The following CEACAM7 variants were observed in gnomAD, a reference collection of about 807,000 sequenced individuals.
CEACAM7 encodes CEA cell adhesion molecule 7, also known as cell adhesion molecule CEACAM7.
A neutral mutation model predicts 25.7 loss-of-function variants in CEACAM7; 24 were observed. The ratio of observed to expected loss-of-function variants is 0.93; its 90% CI spans 0.68 to 1.31. The LOEUF (loss-of-function observed/expected upper bound fraction) is 1.31. CEACAM7 is among the 40% of genes most tolerant of loss of function. The probability of loss-of-function intolerance (pLI) is 0.00; values close to 1 mark genes in which losing one functional copy is unlikely to be tolerated. For synonymous variants in CEACAM7, 144 were observed against 129.4 expected (o/e 1.11, Z -0.77); for missense variants, 324 against 330.1 (o/e 0.98, Z 0.14).
At chr19:41,680,109 T>A (rs187559743) in intron 3 of CEACAM7, among the ~76,000 whole-genome samples, 1 of 151,102 alleles carries the variant, frequency 6.6e-6, no homozygotes, top group Non-Finnish European at 1.5e-5. Context: ...TGTAAGCCGT[T>A]GCATCCAGCC....
intron 2 of CEACAM7, among the ~76,000 whole-genome samples, chr19:41,685,167 G>T (rs1164290531): frequency 4.6e-5 from 7 of 152,214 alleles, no homozygotes; most frequent in African/African-American, 1.7e-4. Flanking sequence ...TGGGTGGAAT[G>T]AACCCATGGG....
rs140053238 is a variant in CEACAM7, at chr19:41,686,995, G to C, written c.291C>G (p.Asn97Lys). 1.9e-6 allele frequency: 3 copies of C among 1,613,424 alleles called. No individual in the cohort carries two copies. In the African/African-American group the frequency reaches 4.0e-5, roughly 22 times the overall value. ...SQENAPGPAH[N>K]GRETIYPNGT... Reference sequence around the variant, plus strand: ...CATTGGGGTATATTGTCTCTCGACCGTTGTGTGCGGGCCCTGGGGCATTTT... The same window carrying C: ...CATTGGGGTATATTGTCTCTCGACCCTTGTGTGCGGGCCCTGGGGCATTTT... Residue 97 changes from asparagine to lysine, a missense_variant, in exon 2 of 5, where the codon AAC becomes AAG. Coordinates refer to ENST00000401731, the MANE Select transcript of CEACAM7 (RefSeq NM_001291485.2).
At chr19:41,687,298 C>T (rs368933874) in intron 1 of CEACAM7, 77 bp from the exon 2 acceptor site, 3 of 1,456,782 alleles carry the variant, frequency 2.1e-6, no homozygotes, top group African/African-American at 2.9e-5. Context: ...GGATCCTGAG[C>T]AGGTCTCTTC....
chr19:41,676,916 G>A (rs760208231), intron 4 of CEACAM7, among the ~76,000 whole-genome samples: 9 of 152,192 alleles, frequency 5.9e-5, no homozygotes, highest in Non-Finnish European at 1.3e-4. Context: ...TTCATGAAGA[G>A]AAGAAATGTG....
intron 3 of CEACAM7, among the ~76,000 whole-genome samples, chr19:41,682,422 T>C (rs1277303064): frequency 3.9e-5 from 6 of 152,134 alleles, no homozygotes; most frequent in Non-Finnish European, 8.8e-5. Context: ...TGTTCATCCC[T>C]AGCTGTGCTC....
intron 4 of CEACAM7, 51 bp from the exon 5 acceptor site, chr19:41,674,790 A>G: frequency 6.0e-6 from 1 of 167,040 alleles, no homozygotes; most frequent in Non-Finnish European, 1.3e-5. Flanking sequence ...CTACAATTTG[A>G]TAACAGTTGT....
rs535003609 is a variant in CEACAM7, at chr19:41,679,915, C to T, written c.707-2412G>A. 2.0e-5 allele frequency among the ~76,000 whole-genome samples: 3 copies of T among 149,328 alleles called. No individual in the cohort carries two copies. In the South Asian group the frequency reaches 6.4e-4, roughly 32 times the overall value. On this transcript the variant is annotated intron_variant, in intron 3 of 4. Transcript: ENST00000401731. ...CTCCCCAGTTCAAATGATTCTCCTG[C>T]CTCAGCCTCCCAAGTAGTTGAAATT... is the stretch of plus-strand genomic sequence containing the variant.
At position 41,687,030 on chromosome 19, in the gene CEACAM7, T is replaced by C. The variant is rs2072233759; in HGVS notation, c.256A>G (p.Ile86Val). The C allele has an allele frequency of 3.7e-6, 6 of 1,614,000 alleles. No individual in the cohort carries two copies. The highest frequency in any genetic ancestry group is 1.3e-5 in the African/African-American group (1 of 74,908). The stretch of plus-strand genomic sequence containing the variant: ...GGCCCTGGGGCATTTTCTTGACTTA[T>C]ATTTTTTACATATCCTATAATTCGA... ...NYRIIGYVKN[I>V]SQENAPGPAH... The change falls in exon 2 of 5, where the codon ATA becomes GTA. Residue 86 changes from isoleucine to valine, a missense_variant. Physicochemically the swap from Ile to Val is conservative, Grantham distance 29. Transcript: ENST00000401731.
intron 1 of CEACAM7, 101 bp downstream of exon 1, chr19:41,688,001 A>G: frequency 1.0e-6 from 1 of 972,788 alleles, no homozygotes. Flanking sequence ...GGACTTCAAC[A>G]GAAGCCCTTT....
chr19:41,688,082 C>G lies in CEACAM7; in HGVS notation c.64+20G>C. 1 of 1,605,434 alleles carries G rather than the reference C, an allele frequency of 6.2e-7. No individual in the cohort carries two copies. The highest frequency in any genetic ancestry group is 8.5e-7 in the Non-Finnish European group (1 of 1,175,218). On this transcript the variant is annotated intron_variant, in intron 1 of 4. Coordinates refer to ENST00000401731, the MANE Select transcript of CEACAM7 (RefSeq NM_001291485.2). ...TCTCTGGCCCTCCTCCCACCCACTC[C>G]CAGGAAGTCCTCCCCTCACCTGTGA...
At chr19:41,687,359 G>A in intron 1 of CEACAM7, 138 bp from the exon 2 acceptor site, 2 of 835,404 alleles carry the variant, frequency 2.4e-6, no homozygotes, top group Admixed American at 2.4e-5. Context: ...GTGTCCTACT[G>A]GATCAATGTC....
intron 3 of CEACAM7, among the ~76,000 whole-genome samples, chr19:41,678,631 T>C (rs2122718311): frequency 1.3e-5 from 2 of 152,244 alleles, no homozygotes; most frequent in South Asian, 4.1e-4. Flanking sequence ...CTTAGAGTGG[T>C]GAAAAAACTT....
At chr19:41,680,805 C>T (rs2122722645) in intron 3 of CEACAM7, among the ~76,000 whole-genome samples, 1 of 151,946 alleles carries the variant, frequency 6.6e-6, no homozygotes, top group South Asian at 2.1e-4. Context: ...AAGAGATAAA[C>T]CTATAAAACT....
intron 3 of CEACAM7, among the ~76,000 whole-genome samples, chr19:41,678,943 A>G (rs2072144992): frequency 6.6e-6 from 1 of 152,254 alleles, no homozygotes; most frequent in South Asian, 2.1e-4. Context: ...AAAGATCTGA[A>G]ATCAACAACC....
At chr19:41,680,688 G>A (rs2072165953) in intron 3 of CEACAM7, among the ~76,000 whole-genome samples, 2 of 152,094 alleles carry the variant, frequency 1.3e-5, no homozygotes, top group African/African-American at 4.8e-5. Flanking sequence ...ATGATATTGG[G>A]ACAGCTGGAT....
intron 4 of CEACAM7, among the ~76,000 whole-genome samples, chr19:41,676,111 A>G (rs2072111278): frequency 6.6e-6 from 1 of 152,236 alleles, no homozygotes; most frequent in Non-Finnish European, 1.5e-5. Flanking sequence ...CATTGATTTA[A>G]GCCCAAGTCC....
chr19:41,686,790 C>T, intron 2 of CEACAM7, 69 bp downstream of exon 2: 1 of 1,486,548 alleles, frequency 6.7e-7, no homozygotes. Context: ...ACAACCCAGG[C>T]CTGACAACCC....
At chr19:41,684,736 C>A (rs962558839) in intron 2 of CEACAM7, among the ~76,000 whole-genome samples, 1 of 152,094 alleles carries the variant, frequency 6.6e-6, no homozygotes, top group African/African-American at 2.4e-5. Flanking sequence ...TGAGGATTCT[C>A]AATGACATAA....
Position 41,688,114 on chromosome 19 carries a change from G to A in CEACAM7, c.52C>T (p.Leu18Phe), listed in dbSNP as rs371676518. ...GTCCTCCCCTCACCTGTGAGCAGGA[G>A]CCCCTGCCAGGGAATGCACACTCTG... Reference protein sequence around the residue: ...PYRVCIPWQGLLLTASLLTFW... With the variant: ...PYRVCIPWQGFLLTASLLTFW... The change falls in exon 1 of 5, where the codon CTC becomes TTC. Residue 18 changes from leucine to phenylalanine, a missense_variant. By Grantham distance (22) the Leu-to-Phe change is conservative (BLOSUM62 0). Coordinates refer to ENST00000401731, the MANE Select transcript of CEACAM7 (RefSeq NM_001291485.2). 13 of 1,611,074 alleles carry A rather than the reference G, an allele frequency of 8.1e-6. No individual in the cohort carries two copies. Among genetic ancestry groups the A allele is most frequent in the Admixed American group, 1.7e-5 (1 of 59,766 alleles).
Sources: allele counts gnomAD v4.1 joint callset (sites outside exome capture counted in the v4.1 genomes callset), GRCh38; gene constraint gnomAD v4.1.1; transcripts MANE v1.5; gene names NCBI Gene and HGNC (gene_info 2026-07-23, HGNC 2026-07-21).